EYS: variants seen among roughly 807,000 people sequenced by gnomAD.
The protein encoded by EYS is EGF-like photoreceptor maintenance factor.
Under a neutral mutation model 282.1 loss-of-function variants are expected in EYS, and 250 were observed. That is an observed-to-expected ratio of 0.89 (90% CI 0.80 to 0.98). EYS has a LOEUF of 0.98. EYS is among the 50% of genes least tolerant of loss of function. The pLI is 0.00. For synonymous variants in EYS, 1,355 were observed against 1,282.9 expected, an observed-to-expected ratio of 1.06 and a Z score of -1.20; for missense variants, 4,016 against 3,709.0, an observed-to-expected ratio of 1.08 and a Z score of -2.15.
intron 33 of EYS, among the ~76,000 whole-genome samples, chr6:64,055,312 T>A (rs1186274568): frequency 6.6e-6 from 1 of 152,178 alleles, no homozygotes; most frequent in African/African-American, 2.4e-5. Flanking sequence ...TATGTGTGTG[T>A]GAAAAACCAT....
intron 22 of EYS, among the ~76,000 whole-genome samples, chr6:64,702,347 C>T (rs1449877787): frequency 1.3e-5 from 2 of 151,924 alleles, no homozygotes; most frequent in Admixed American, 6.6e-5. Flanking sequence ...TCAAAATGCT[C>T]AATGTAGGAC....
At chr6:65,261,078 T>C (rs1193619359) in intron 12 of EYS, among the ~76,000 whole-genome samples, 1 of 151,894 alleles carries the variant, frequency 6.6e-6, no homozygotes, top group South Asian at 2.1e-4. Flanking sequence ...CTTTAAAGAG[T>C]GGAGAATAAG....
intron 26 of EYS, among the ~76,000 whole-genome samples, chr6:64,539,194 A>G (rs562926256): frequency 1.3e-5 from 2 of 152,294 alleles, no homozygotes; most frequent in African/African-American, 4.8e-5. Context: ...ATGTGAATAT[A>G]CTTAACACTA....
At position 64,768,885 on chromosome 6, in the gene EYS, T is replaced by C. The variant is rs533262150; in HGVS notation, c.3443+44493A>G. 4.6e-5 allele frequency among the ~76,000 whole-genome samples: 7 copies of C among 152,222 alleles called. No homozygotes were observed. In the East Asian group the frequency reaches 9.7e-4, roughly 21 times the overall value. On this transcript the variant is annotated intron_variant, in intron 22 of 42. Transcript: ENST00000503581. ...AAGGCAGCAGGAGATCATGAGACACTTGTAGGGCCATGACAAGGAAGAGCC... is the reference window on the plus strand; with the variant it reads ...AAGGCAGCAGGAGATCATGAGACACCTGTAGGGCCATGACAAGGAAGAGCC...
intron 2 of EYS, among the ~76,000 whole-genome samples, chr6:65,540,380 C>A (rs547050561): frequency 3.3e-4 from 50 of 152,212 alleles, no homozygotes; most frequent in Middle Eastern, 6.8e-3. Context: ...ACCTCTTCAG[C>A]AATGCCATAT....
At chr6:65,208,329 A>T (rs1470691914) in intron 12 of EYS, among the ~76,000 whole-genome samples, 1 of 151,830 alleles carries the variant, frequency 6.6e-6, no homozygotes, top group Non-Finnish European at 1.5e-5. Flanking sequence ...GGAGAGAAGA[A>T]GGGAACACTT....
chr6:65,677,105 GAAAAAAAA>G (rs58880200), intron 1 of EYS, among the ~76,000 whole-genome samples: 2 of 107,674 alleles, frequency 1.9e-5, no homozygotes, highest in South Asian at 3.3e-4. Flanking sequence ...AGTCATTGGT[GAAAAAAAA>G]AAAAAAAAAA....
intron 30 of EYS, among the ~76,000 whole-genome samples, chr6:64,256,684 G>T (rs904691058): frequency 1.3e-5 from 2 of 152,016 alleles, no homozygotes; most frequent in African/African-American, 2.4e-5. Context: ...CTACAGAGGA[G>T]CACACATGGC....
At chr6:63,922,620 G>A (rs1233401180) in intron 35 of EYS, among the ~76,000 whole-genome samples, 1 of 152,098 alleles carries the variant, frequency 6.6e-6, no homozygotes, top group Non-Finnish European at 1.5e-5. Flanking sequence ...AAAGAAAAAG[G>A]ACTACGCTAT....
intron 5 of EYS, chr6:65,489,875 A>G (rs1465108484): frequency 6.6e-6 from 1 of 152,238 alleles, no homozygotes; most frequent in African/African-American, 2.4e-5. Context: ...AACTATCGCA[A>G]GATCAGTAAA....
At chr6:63,897,277 C>A (rs1773558627) in intron 35 of EYS, among the ~76,000 whole-genome samples, 1 of 152,198 alleles carries the variant, frequency 6.6e-6, no homozygotes. Context: ...TCAAAGATAT[C>A]AGCTCCTAAA....
Position 64,401,350 on chromosome 6 carries a change from G to A in EYS, c.5928-12510C>T, listed in dbSNP as rs549851353. ...TGAGTATGTGTGTATCTACTTTGTT[G>A]TTTATCACATTTGCATTAAAAAATT... On this transcript the variant is annotated intron_variant, in intron 28 of 42. Coordinates refer to ENST00000503581, the MANE Select transcript of EYS (RefSeq NM_001142800.2). 2.6e-5 allele frequency among the ~76,000 whole-genome samples: 4 copies of A among 152,024 alleles called. 1 individual carries two copies. Among genetic ancestry groups the A allele is most frequent in the Admixed American group, 2.6e-4 (4 of 15,250 alleles).
intron 29 of EYS, chr6:64,379,547 G>A (rs2150418847): frequency 6.6e-6 from 1 of 152,194 alleles, no homozygotes; most frequent in East Asian, 1.9e-4. Flanking sequence ...GACCTGAGAT[G>A]TGTTATTATA....
intron 33 of EYS, among the ~76,000 whole-genome samples, chr6:64,038,545 C>T (rs1401874963): frequency 4.6e-5 from 7 of 151,740 alleles, no homozygotes; most frequent in Admixed American, 1.3e-4. Context: ...TATCAAAATC[C>T]AGTACTTCAT....
intron 22 of EYS, among the ~76,000 whole-genome samples, chr6:64,766,647 A>ATATATATAT (rs1475174051): frequency 3.3e-4 from 4 of 11,946 alleles, no homozygotes; most frequent in African/African-American, 5.9e-4. Context: ...AAAAAAAAAA[A>ATATATATAT]AAATATATAT....
At chr6:63,750,717 A>G (rs1280632833) in intron 41 of EYS, among the ~76,000 whole-genome samples, 1 of 152,192 alleles carries the variant, frequency 6.6e-6, no homozygotes, top group Non-Finnish European at 1.5e-5. Context: ...GAAGGGGAAC[A>G]AATGTGTGTG....
At chr6:64,716,256 C>T (rs1383914660) in intron 22 of EYS, among the ~76,000 whole-genome samples, 1 of 152,204 alleles carries the variant, frequency 6.6e-6, no homozygotes, top group Non-Finnish European at 1.5e-5. Context: ...ATGGTAGCCG[C>T]TCCATCCATC....
intron 29 of EYS, among the ~76,000 whole-genome samples, chr6:64,343,773 T>C (rs959530814): frequency 6.6e-6 from 1 of 151,918 alleles, no homozygotes; most frequent in Admixed American, 6.6e-5. Flanking sequence ...CAGCAGCTGG[T>C]TTTTTGAAAA....
At chr6:65,442,506 G>A (rs1002016835) in intron 5 of EYS, among the ~76,000 whole-genome samples, 7 of 151,896 alleles carry the variant, frequency 4.6e-5, no homozygotes, top group Admixed American at 6.6e-5. Context: ...TGTAATCCCA[G>A]CACTTTGGGA....
Sources: gnomAD v4.1 joint callset for allele counts (sites outside exome capture counted in the v4.1 genomes callset) on GRCh38, gnomAD v4.1.1 for gene constraint, MANE v1.5 for transcripts, NCBI Gene and HGNC (gene_info 2026-07-23, HGNC 2026-07-21) for gene names.